SHANK2: variants seen among roughly 807,000 people sequenced by gnomAD.
SHANK2 encodes the protein SH3 and multiple ankyrin repeat domains 2.
A neutral mutation model predicts 133.7 loss-of-function variants in SHANK2; 43 were observed. The observed-to-expected ratio is 0.32, with a 90% confidence interval of 0.25 to 0.41. The LOEUF (loss-of-function observed/expected upper bound fraction) is 0.41. Ranked by LOEUF, SHANK2 falls within the 10% of genes least tolerant of loss-of-function variation. The pLI is 1.00. For synonymous variants in SHANK2, 1,017 were observed against 952.8 expected (o/e 1.07, Z -1.24); for missense variants, 1,994 against 2,235.8 (o/e 0.89, Z 2.18).
At chr11:71,113,231 A>G in intron 5 of SHANK2, 62 bp downstream of exon 5, 1 of 1,415,160 alleles carries the variant, frequency 7.1e-7, no homozygotes, top group Non-Finnish European at 9.8e-7. Context: ...AGATAACACA[A>G]CAAGATAACA....
rs1002077262 is a variant in SHANK2, at chr11:70,754,178, C to A, written c.1777+44265G>T. Among the ~76,000 whole-genome samples, 7 of 152,172 alleles carry A rather than the reference C, an allele frequency of 4.6e-5. 2 individuals carry two copies. The South Asian group carries it at 1.5e-3, about 32-fold the overall frequency. ...CCAGTGATTTCGCTGGTGAATTTTG[C>A]CAATCATTTCAAGAAGCAGCAACAC... On this transcript the variant is annotated intron_variant, in intron 14 of 25. Coordinates refer to ENST00000601538, the MANE Select transcript of SHANK2 (RefSeq NM_012309.5).
At chr11:70,632,140 T>G (rs2060999806) in intron 17 of SHANK2, among the ~76,000 whole-genome samples, 1 of 152,172 alleles carries the variant, frequency 6.6e-6, no homozygotes, top group Non-Finnish European at 1.5e-5. Flanking sequence ...GTTTTTGTTT[T>G]TGAGACAGTC....
chr11:70,514,013 G>T (rs573763307), intron 17 of SHANK2, among the ~76,000 whole-genome samples: 2 of 152,174 alleles, frequency 1.3e-5, no homozygotes, highest in Admixed American at 1.3e-4. Flanking sequence ...TAAATTTATA[G>T]ATTCAAGAAG....
chr11:70,667,946 G>A (rs1944711871), intron 15 of SHANK2: 1 of 152,216 alleles, frequency 6.6e-6, no homozygotes, highest in Admixed American at 6.5e-5. Flanking sequence ...GCTGGGACTG[G>A]GTTTCAAAGT....
chr11:70,533,309 C>T (rs569478899), intron 17 of SHANK2, among the ~76,000 whole-genome samples: 3 of 152,262 alleles, frequency 2.0e-5, no homozygotes, highest in Non-Finnish European at 4.4e-5. Flanking sequence ...AGGCTGGTCT[C>T]AAACTCCCGG....
At chr11:71,179,272 G>A (rs567454626) in intron 2 of SHANK2, among the ~76,000 whole-genome samples, 22 of 152,222 alleles carry the variant, frequency 1.4e-4, no homozygotes, top group African/African-American at 4.8e-4. Context: ...TTTAACATTT[G>A]GTTCAACATT....
intron 11 of SHANK2, among the ~76,000 whole-genome samples, chr11:70,857,696 A>G (rs1471243804): frequency 6.6e-6 from 1 of 152,182 alleles, no homozygotes; most frequent in African/African-American, 2.4e-5. Flanking sequence ...GGCATCACGG[A>G]GCACAAGGGG....
chr11:70,873,539 C>T (rs1380517925), intron 11 of SHANK2, among the ~76,000 whole-genome samples: 7 of 152,294 alleles, frequency 4.6e-5, no homozygotes, highest in East Asian at 1.9e-4. Flanking sequence ...GAAGGAGGAG[C>T]GGCTGCCACA....
At chr11:70,878,773 G>A (rs986446271) in intron 11 of SHANK2, among the ~76,000 whole-genome samples, 2 of 152,134 alleles carry the variant, frequency 1.3e-5, no homozygotes, top group Non-Finnish European at 2.9e-5. Flanking sequence ...GCTACCCAGG[G>A]CTCAAAGCAG....
At chr11:71,213,078 G>A (rs901300956) in intron 2 of SHANK2, among the ~76,000 whole-genome samples, 9 of 152,102 alleles carry the variant, frequency 5.9e-5, no homozygotes, top group African/African-American at 2.2e-4. Flanking sequence ...TTTCTACAGC[G>A]TTGCAGGGTG....
chr11:70,905,803 G>GTTT (rs112602946), intron 10 of SHANK2, among the ~76,000 whole-genome samples: 1 of 136,716 alleles, frequency 7.3e-6, no homozygotes, highest in African/African-American at 2.7e-5. Flanking sequence ...CCCAGTTTAT[G>GTTT]TTTTTTTTTT....
chr11:70,789,339 C>G (rs376050947), intron 14 of SHANK2, among the ~76,000 whole-genome samples: 105 of 152,328 alleles, frequency 6.9e-4, no homozygotes, highest in African/African-American at 2.4e-3. Context: ...GGTCAGAGCT[C>G]TGACTTTCTG....
intron 10 of SHANK2, among the ~76,000 whole-genome samples, chr11:70,899,350 G>A (rs1252415359): frequency 3.3e-5 from 5 of 152,188 alleles, no homozygotes; most frequent in African/African-American, 1.2e-4. Flanking sequence ...ACCCTGTGAA[G>A]AGGTGCCTTA....
chr11:70,723,716 T>C (rs1946115909), intron 14 of SHANK2, among the ~76,000 whole-genome samples: 1 of 152,214 alleles, frequency 6.6e-6, no homozygotes, highest in African/African-American at 2.4e-5. Context: ...TTATGAGCCA[T>C]GCCATATAGC....
intron 17 of SHANK2, among the ~76,000 whole-genome samples, chr11:70,519,741 A>G (rs1431130074): frequency 6.6e-6 from 1 of 151,896 alleles, no homozygotes; most frequent in Non-Finnish European, 1.5e-5. Context: ...TATTGTTTTT[A>G]TTTTATTTTA....
intron 10 of SHANK2, chr11:70,942,468 C>T (rs1950661287): frequency 1.6e-5 from 7 of 446,824 alleles, no homozygotes; most frequent in South Asian, 1.1e-4. Flanking sequence ...CACCACCAAG[C>T]TATTCATGAG....
chr11:70,531,284 C>T (rs1554973160), intron 17 of SHANK2, among the ~76,000 whole-genome samples: 1 of 152,240 alleles, frequency 6.6e-6, no homozygotes, highest in Non-Finnish European at 1.5e-5. Flanking sequence ...GCCTCACCTG[C>T]CAGCCCCATG....
Position 71,249,707 on chromosome 11 carries a change from C to A in SHANK2, c.-113+2718G>T, listed in dbSNP as rs530541317. Among the ~76,000 whole-genome samples the A allele has an allele frequency of 3.3e-5, 5 of 152,352 alleles. No homozygotes were observed. The South Asian group carries it at 8.3e-4, about 25-fold the overall frequency. ...ACTGACGGGGATCCCAGAACTCTCT[C>A]GTCTGCAACTCTGTTACGTATTTGG... On this transcript the variant is annotated intron_variant, in intron 1 of 25. Coordinates refer to ENST00000601538, the MANE Select transcript of SHANK2 (RefSeq NM_012309.5).
intron 2 of SHANK2, among the ~76,000 whole-genome samples, chr11:71,181,562 C>T (rs577180937): frequency 6.6e-6 from 1 of 152,248 alleles, no homozygotes; most frequent in Non-Finnish European, 1.5e-5. Context: ...TTGACAACCC[C>T]AGTGTCAAAG....
Sources: gnomAD v4.1 joint callset for allele counts (sites outside exome capture counted in the v4.1 genomes callset) on GRCh38, gnomAD v4.1.1 for gene constraint, MANE v1.5 for transcripts, NCBI Gene and HGNC (gene_info 2026-07-23, HGNC 2026-07-21) for gene names.